NGLY1: variants seen among roughly 807,000 people sequenced by gnomAD.
NGLY1 encodes the protein N-glycanase 1.
NGLY1 carries 68 observed loss-of-function variants against 84.6 expected under a neutral mutation model. That is an observed-to-expected ratio of 0.80 (90% CI 0.66 to 0.98). NGLY1 has a LOEUF of 0.98. Ranked by LOEUF, NGLY1 falls within the 50% of genes least tolerant of loss-of-function variation. The pLI, the probability that NGLY1 is intolerant of heterozygous loss-of-function variation, is 0.00. For synonymous variants in NGLY1, 280 were observed against 275.2 expected, an observed-to-expected ratio of 1.02 and a Z score of -0.17; for missense variants, 779 against 770.2, an observed-to-expected ratio of 1.01 and a Z score of -0.14.
chr3:25,758,784 C>T (rs1331830678), intron 3 of NGLY1, among the ~76,000 whole-genome samples: 1 of 151,734 alleles, frequency 6.6e-6, no homozygotes, highest in African/African-American at 2.4e-5. Flanking sequence ...CCACTAGAAA[C>T]GTATATAAGA....
rs1186791157 is a variant in NGLY1 at position 25,749,793 on chromosome 3, A to G, written c.658+1305T>C. 28 of 1,331,830 alleles carry G rather than the reference A, an allele frequency of 2.1e-5. 1 individual carries two copies. The highest frequency in any genetic ancestry group is 1.7e-5 in the Admixed American group (1 of 59,582). The allele number at this position is 1,331,830 out of a possible 1,614,324, so 82.5% of individuals were successfully genotyped here. A position where few individuals can be genotyped will look rare whatever the true frequency, so the allele number is the denominator to read the frequency against. ...ACTTACTGTGCTGAGATTGCTCACAATGTTTCCTCCAAGAACTGCAAAGCC... is the reference window on the plus strand; with the variant it reads ...ACTTACTGTGCTGAGATTGCTCACAGTGTTTCCTCCAAGAACTGCAAAGCC... On this transcript the variant is annotated intron_variant, in intron 4 of 11. Coordinates refer to ENST00000280700, the MANE Select transcript of NGLY1 (RefSeq NM_018297.4).
chr3:25,752,637 A>C (rs1706814541), intron 3 of NGLY1, among the ~76,000 whole-genome samples: 1 of 150,206 alleles, frequency 6.7e-6, no homozygotes, highest in African/African-American at 2.5e-5. Flanking sequence ...GCAAGATCCT[A>C]TCTCTTAAAA....
chr3:25,787,749 G>A (rs528170360), upstream of NGLY1, among the ~76,000 whole-genome samples: 1 of 152,316 alleles, frequency 6.6e-6, no homozygotes, highest in Non-Finnish European at 1.5e-5. Flanking sequence ...TCCTCAGTAT[G>A]ATACCCCAGG....
chr3:25,766,068 C>CTT (rs750093129), intron 2 of NGLY1, among the ~76,000 whole-genome samples: 2 of 144,870 alleles, frequency 1.4e-5, no homozygotes, highest in Admixed American at 1.4e-4. Context: ...TAGATTAATA[C>CTT]TTTTTTTTTT....
At chr3:25,774,744 G>A (rs1240869121) in intron 2 of NGLY1, among the ~76,000 whole-genome samples, 3 of 151,980 alleles carry the variant, frequency 2.0e-5, no homozygotes, top group East Asian at 3.9e-4. Context: ...GGGTTTTCAG[G>A]CTTCACCCCT....
intron 3 of NGLY1, among the ~76,000 whole-genome samples, chr3:25,758,349 G>A (rs944349962): frequency 5.3e-5 from 8 of 152,132 alleles, no homozygotes; most frequent in Non-Finnish European, 8.8e-5. Context: ...GCTGAGGCAG[G>A]CGGATTGCTT....
At chr3:25,746,932 C>A (rs903915568) in intron 4 of NGLY1, among the ~76,000 whole-genome samples, 1 of 152,178 alleles carries the variant, frequency 6.6e-6, no homozygotes, top group African/African-American at 2.4e-5. Context: ...CGGTTTCAAG[C>A]GATTCTCCTG....
rs201163732 is a variant in NGLY1, at chr3:25,733,945, T to C, written c.1187A>G (p.Glu396Gly). The C allele has an allele frequency of 6.2e-7, 1 of 1,613,840 alleles. No individual in the cohort carries two copies. The highest frequency in any genetic ancestry group is 2.2e-5 in the East Asian group (1 of 44,848). Reference protein sequence around the residue: ...DVTWRYSCKHEEVIARRTKVK... With the variant: ...DVTWRYSCKHGEVIARRTKVK... ...CTTAGTTCTTCTGGCAATCACCTCT[T>C]CATGTTTGCAGGAATATCGCCAAGT... Residue 396 changes from glutamate to glycine, a missense_variant, in exon 8 of 12, where the codon GAA becomes GGA. Glu to Gly is a moderately conservative substitution (Grantham distance 98). Transcript: ENST00000280700.
At chr3:25,742,021 T>C (rs1706173611) in intron 4 of NGLY1, among the ~76,000 whole-genome samples, 1 of 151,924 alleles carries the variant, frequency 6.6e-6, no homozygotes, top group African/African-American at 2.4e-5. Flanking sequence ...AATTTCTAAA[T>C]ACATAAAGAA....
chr3:25,787,278 C>T (rs1218267627), upstream of NGLY1, among the ~76,000 whole-genome samples: 3 of 152,104 alleles, frequency 2.0e-5, no homozygotes, highest in Non-Finnish European at 4.4e-5. Flanking sequence ...GAGAGACTCC[C>T]CACCCTCCTT....
Position 25,740,323 on chromosome 3 carries a change from C to A in NGLY1, c.659-524G>T, listed in dbSNP as rs181860775. Among the ~76,000 whole-genome samples, 554 of 152,196 alleles carry A rather than the reference C, an allele frequency of 3.6e-3. 3 individuals carry two copies. Among genetic ancestry groups the A allele is most frequent in the African/African-American group, 0.012 (513 of 41,524 alleles). The stretch of plus-strand genomic sequence containing the variant: ...TAATCCATCCATGGATACTCATCCC[C>A]AAACACATAAAAACACAACCATATC... On this transcript the variant is annotated intron_variant, in intron 4 of 11. Coordinates refer to ENST00000280700, the MANE Select transcript of NGLY1 (RefSeq NM_018297.4).
chr3:25,740,925 G>A (rs1338867167), intron 4 of NGLY1, among the ~76,000 whole-genome samples: 2 of 151,800 alleles, frequency 1.3e-5, no homozygotes, highest in Admixed American at 6.6e-5. Flanking sequence ...TCAGGAGTTC[G>A]AGACCAGCCT....
chr3:25,770,805 A>AAT (rs1707857137), intron 2 of NGLY1, among the ~76,000 whole-genome samples: 1 of 152,180 alleles, frequency 6.6e-6, no homozygotes, highest in Non-Finnish European at 1.5e-5. Flanking sequence ...TTCCCTGATA[A>AAT]AGATGTTGAA....
intron 3 of NGLY1, among the ~76,000 whole-genome samples, chr3:25,759,781 T>C (rs143817034): frequency 6.6e-6 from 1 of 152,152 alleles, no homozygotes; most frequent in Non-Finnish European, 1.5e-5. Context: ...CTAATCATAC[T>C]TCCAATTATT....
chr3:25,785,259 T>C (rs1708577595), upstream of NGLY1, among the ~76,000 whole-genome samples: 1 of 150,098 alleles, frequency 6.7e-6, no homozygotes, highest in African/African-American at 2.5e-5. Context: ...TAAAAGGGGG[T>C]ATTTCAGTAA....
intron 9 of NGLY1, chr3:25,730,157 C>T (rs1302557078): frequency 6.6e-6 from 1 of 151,770 alleles, no homozygotes; most frequent in Non-Finnish European, 1.5e-5. Context: ...GCATTCTAGT[C>T]CAAAATAACA....
chr3:25,765,308 A>T (rs1707506483), intron 2 of NGLY1, among the ~76,000 whole-genome samples: 1 of 151,422 alleles, frequency 6.6e-6, no homozygotes, highest in Non-Finnish European at 1.5e-5. Context: ...AAAAATACAA[A>T]AATAAGCTGG....
At position 25,769,912 on chromosome 3, in the gene NGLY1, T is replaced by C. The variant is rs188238323; in HGVS notation, c.247-5601A>G. Among the ~76,000 whole-genome samples the C allele has an allele frequency of 1.1e-4, 17 of 152,250 alleles. 1 individual carries two copies. The highest frequency in any genetic ancestry group is 3.9e-4 in the East Asian group (2 of 5,188). ...AGCACTTATCACTCAACTAAAAGTATAGTCTTTTATCCCTCGCACCCTTCC... is the reference window on the plus strand; with the variant it reads ...AGCACTTATCACTCAACTAAAAGTACAGTCTTTTATCCCTCGCACCCTTCC... On this transcript the variant is annotated intron_variant, in intron 2 of 11. Coordinates refer to ENST00000280700, the MANE Select transcript of NGLY1 (RefSeq NM_018297.4).
intron 4 of NGLY1, among the ~76,000 whole-genome samples, chr3:25,740,483 C>T (rs1052998667): frequency 6.6e-6 from 1 of 152,090 alleles, no homozygotes; most frequent in African/African-American, 2.4e-5. Context: ...GAAAATCAAT[C>T]TTAAAAACAT....
Sources: gnomAD v4.1 joint callset for allele counts (sites outside exome capture counted in the v4.1 genomes callset) on GRCh38, gnomAD v4.1.1 for gene constraint, MANE v1.5 for transcripts, NCBI Gene and HGNC (gene_info 2026-07-23, HGNC 2026-07-21) for gene names.